PCDH9: variants seen among roughly 807,000 people sequenced by gnomAD.
PCDH9 encodes protocadherin-9.
Under a neutral mutation model 70.6 loss-of-function variants are expected in PCDH9, and 24 were observed. That is an observed-to-expected ratio of 0.34 (90% CI 0.25 to 0.48). The LOEUF (loss-of-function observed/expected upper bound fraction) is 0.48, where lower values mean the gene tolerates loss of function less well. Among genes scored for constraint, PCDH9 ranks in the 20% least tolerant of loss-of-function variants. The pLI is 0.99. For synonymous variants in PCDH9, 562 were observed against 558.5 expected, an observed-to-expected ratio of 1.01 and a Z score of -0.09; for missense variants, 1,281 against 1,503.6, an observed-to-expected ratio of 0.85 and a Z score of 2.45.
intron 2 of PCDH9, among the ~76,000 whole-genome samples, chr13:67,060,888 A>T (rs260133): frequency 0.99 from 151,052 of 152,198 alleles, 74,971 homozygotes; most frequent in East Asian, 1. Flanking sequence ...TAAGATCATT[A>T]AAACTAGAAC....
chr13:66,389,351 T>A (rs1211120795), intron 4 of PCDH9, among the ~76,000 whole-genome samples: 1 of 152,194 alleles, frequency 6.6e-6, no homozygotes, highest in Non-Finnish European at 1.5e-5. Flanking sequence ...TGGCTGCAGA[T>A]GGGAACTGGT....
chr13:66,536,629 G>C (rs1282589427), intron 4 of PCDH9, among the ~76,000 whole-genome samples: 4 of 152,008 alleles, frequency 2.6e-5, no homozygotes. Flanking sequence ...GGAGAAATTA[G>C]AAAAATGTTA....
chr13:67,123,708 T>C (rs538675768), intron 2 of PCDH9, among the ~76,000 whole-genome samples: 8 of 152,198 alleles, frequency 5.3e-5, no homozygotes, highest in African/African-American at 1.9e-4. Context: ...TCTTATTTAA[T>C]CTAAACAAGA....
At chr13:66,757,530 A>C (rs1177126489) in intron 3 of PCDH9, among the ~76,000 whole-genome samples, 1 of 152,126 alleles carries the variant, frequency 6.6e-6, no homozygotes, top group Non-Finnish European at 1.5e-5. Flanking sequence ...CTCATTAAAA[A>C]TTGAAAAATT....
At chr13:67,062,134 G>T (rs928554130) in intron 2 of PCDH9, among the ~76,000 whole-genome samples, 6 of 152,122 alleles carry the variant, frequency 3.9e-5, no homozygotes, top group African/African-American at 1.4e-4. Context: ...GTCTTACACT[G>T]TTTCACCTGG....
intron 2 of PCDH9, among the ~76,000 whole-genome samples, chr13:66,979,583 T>C (rs187124167): frequency 6.6e-6 from 1 of 152,228 alleles, no homozygotes; most frequent in African/African-American, 2.4e-5. Flanking sequence ...CATACAAATA[T>C]TCTATAGTGA....
intron 2 of PCDH9, among the ~76,000 whole-genome samples, chr13:67,104,132 A>G (rs930262725): frequency 6.6e-6 from 1 of 152,164 alleles, no homozygotes; most frequent in Non-Finnish European, 1.5e-5. Flanking sequence ...TGAAGAACCA[A>G]CTGACAGCAC....
chr13:66,411,912 G>T (rs1463553086), intron 4 of PCDH9, among the ~76,000 whole-genome samples: 2 of 152,102 alleles, frequency 1.3e-5, no homozygotes, highest in East Asian at 3.9e-4. Context: ...CCATAGAAAT[G>T]GAGATAGCAT....
intron 4 of PCDH9, among the ~76,000 whole-genome samples, chr13:66,541,129 C>T (rs1483832405): frequency 6.6e-6 from 1 of 152,156 alleles, no homozygotes; most frequent in Non-Finnish European, 1.5e-5. Flanking sequence ...CTATAAATTA[C>T]ACTTATCCAT....
chr13:66,425,144 A>G (rs1182932583), intron 4 of PCDH9, among the ~76,000 whole-genome samples: 1 of 151,858 alleles, frequency 6.6e-6, no homozygotes, highest in Non-Finnish European at 1.5e-5. Flanking sequence ...AAAAGAATGA[A>G]GAGTATTGCA....
chr13:66,953,742 T>C (rs1594306451), intron 2 of PCDH9, among the ~76,000 whole-genome samples: 1 of 152,164 alleles, frequency 6.6e-6, no homozygotes, highest in Non-Finnish European at 1.5e-5. Flanking sequence ...ATGTGTGAAA[T>C]AGCTTTCTTC....
Position 66,445,825 on chromosome 13 carries a change from TACAC to T in PCDH9, c.3341-140801_3341-140798del, listed in dbSNP as rs5804282. Among the ~76,000 whole-genome samples the T allele has an allele frequency of 5.1e-3, 700 of 136,688 alleles. 7 individuals are homozygous for T. The highest frequency in any genetic ancestry group is 0.018 in the African/African-American group (659 of 36,582). The allele number at this position is 136,688 out of a possible 152,430, so 89.7% of individuals were successfully genotyped here. A position where few individuals can be genotyped will look rare whatever the true frequency, so the allele number is the denominator to read the frequency against. Reference sequence around the variant, plus strand: ...CACATATATTATATATACACATATATACACACACACACACAAGCATACACATATA... The same window carrying T: ...CACATATATTATATATACACATATATACACACACACAAGCATACACATATA... On this transcript the variant is annotated intron_variant, in intron 4 of 4. Transcript: ENST00000377865.
intron 2 of PCDH9, among the ~76,000 whole-genome samples, chr13:66,918,997 C>T (rs1204322717): frequency 6.6e-6 from 1 of 151,096 alleles, no homozygotes; most frequent in Admixed American, 6.6e-5. Context: ...TTCTTTTTTT[C>T]TTCCAGAATG....
chr13:67,024,236 G>A (rs1566370395), intron 2 of PCDH9, among the ~76,000 whole-genome samples: 1 of 152,098 alleles, frequency 6.6e-6, no homozygotes, highest in Non-Finnish European at 1.5e-5. Context: ...AAATTCTGTT[G>A]AAAACTGAAG....
rs186072272 is a variant in PCDH9 at position 66,350,876 on chromosome 13, G to T, written c.3341-45848C>A. On this transcript the variant is annotated intron_variant, in intron 4 of 4. Coordinates refer to ENST00000377865, the MANE Select transcript of PCDH9 (RefSeq NM_203487.3). ...AGCTTCCATCTCACTGTAATCTCAG[G>T]ATCATTGAGAATGCCTTTGTTACTT... is the stretch of plus-strand genomic sequence containing the variant. Among the ~76,000 whole-genome samples, 50 of 152,158 alleles carry T rather than the reference G, an allele frequency of 3.3e-4. 1 individual carries two copies. The highest frequency in any genetic ancestry group is 3.3e-3 in the Admixed American group (50 of 15,278).
chr13:66,441,992 A>T (rs1274018119), intron 4 of PCDH9, among the ~76,000 whole-genome samples: 1 of 152,134 alleles, frequency 6.6e-6, no homozygotes, highest in Non-Finnish European at 1.5e-5. Context: ...GGAATAATCT[A>T]TTTGGGTTTT....
chr13:66,472,062 A>T (rs1245633524), intron 4 of PCDH9, among the ~76,000 whole-genome samples: 1 of 151,866 alleles, frequency 6.6e-6, no homozygotes, highest in Non-Finnish European at 1.5e-5. Flanking sequence ...AATACAAAAA[A>T]TTAGCTGGGC....
chr13:67,131,979 C>T (rs184506501), intron 2 of PCDH9, among the ~76,000 whole-genome samples: 4 of 152,220 alleles, frequency 2.6e-5, no homozygotes, highest in East Asian at 1.9e-4. Flanking sequence ...TTTGACTGTG[C>T]GAACCTTCAC....
chr13:67,203,694 G>A (rs1593614221), intron 2 of PCDH9: 1 of 152,012 alleles, frequency 6.6e-6, no homozygotes, highest in Admixed American at 6.6e-5. Flanking sequence ...CCAATGAATA[G>A]ATATGAGAAA....
Sources: allele counts gnomAD v4.1 joint callset (sites outside exome capture counted in the v4.1 genomes callset), GRCh38; gene constraint gnomAD v4.1.1; transcripts MANE v1.5; gene names NCBI Gene and HGNC (gene_info 2026-07-23, HGNC 2026-07-21).